PPA1: variants seen among roughly 807,000 people sequenced by gnomAD.
PPA1 encodes the protein inorganic pyrophosphatase.
PPA1 carries 23 observed loss-of-function variants against 41.8 expected under a neutral mutation model. The observed-to-expected ratio is 0.55, with a 90% CI of 0.40 to 0.78. PPA1 has a LOEUF of 0.78. Ranked by LOEUF, PPA1 falls within the 30% of genes least tolerant of loss-of-function variation. The pLI is 0.00. For missense variants in PPA1, 320 were observed against 361.6 expected, an observed-to-expected ratio of 0.89 and a Z score of 0.93; for synonymous variants, 101 against 116.8, an observed-to-expected ratio of 0.86 and a Z score of 0.87.
chr10:70,218,647 AC>A (rs1471776824), intron 3 of PPA1, 116 bp downstream of exon 3: 35 of 774,550 alleles, frequency 4.5e-5, no homozygotes, highest in Non-Finnish European at 7.0e-5. Flanking sequence ...TAGAAAATAG[AC>A]TGGGACCAGA....
intron 4 of PPA1, 111 bp from the exon 5 acceptor site, chr10:70,214,697 T>A (rs548482763): frequency 1.2e-6 from 1 of 814,680 alleles, no homozygotes; most frequent in South Asian, 2.0e-5. Context: ...TCTCATTGTT[T>A]TAGTTCTTTA....
In PPA1 at chr10:70,229,502, T is replaced by C. The variant is rs115357373; in HGVS notation, c.123+839A>G. ...ACAATTTGTGGTAAGCCTACCAATC[T>C]GTATTAAAGTTAGGTTTCTTCTCAC... On this transcript the variant is annotated intron_variant, in intron 2 of 10. Transcript: ENST00000373232. Among the ~76,000 whole-genome samples the C allele has an allele frequency of 2.4e-3, 360 of 152,354 alleles. 3 individuals carry two copies. Among genetic ancestry groups the C allele is most frequent in the Middle Eastern group, 0.01 (3 of 294 alleles).
rs768513055 is a variant in PPA1, at chr10:70,223,693, CAG to C, written c.124-4878_124-4877del. On this transcript the variant is annotated intron_variant, in intron 2 of 10. Transcript: ENST00000373232. ...AGAAATTCAATGAATTTTATAGCAA[CAG>C]AGTTGCTATAAAAACTATTACTGTT... Among the ~76,000 whole-genome samples, 50 of 152,314 alleles carry C rather than the reference CAG, an allele frequency of 3.3e-4. No homozygotes were observed. The Middle Eastern group carries it at 0.01, about 31-fold the overall frequency.
chr10:70,204,694 G>T, intron 10 of PPA1, 179 bp downstream of exon 10: 1 of 526,812 alleles, frequency 1.9e-6, no homozygotes, highest in Non-Finnish European at 3.4e-6. Context: ...TTAAGTATGT[G>T]AGGTAATGAT....
At chr10:70,224,345 T>C (rs543368538) in intron 2 of PPA1, among the ~76,000 whole-genome samples, 2 of 152,148 alleles carry the variant, frequency 1.3e-5, no homozygotes, top group African/African-American at 4.8e-5. Context: ...GATGTCCAGA[T>C]TCTAAGGAAA....
intron 4 of PPA1, among the ~76,000 whole-genome samples, chr10:70,216,251 G>T (rs951963062): frequency 6.6e-6 from 1 of 152,134 alleles, no homozygotes; most frequent in African/African-American, 2.4e-5. Flanking sequence ...ACTTTGCAAG[G>T]CCGAGGCAGG....
intron 9 of PPA1, 24 bp downstream of exon 9, chr10:70,206,240 T>C: frequency 6.3e-7 from 1 of 1,583,828 alleles, no homozygotes; most frequent in Middle Eastern, 1.7e-4. Context: ...GGCTTGTTTT[T>C]TTTTTAAGGA....
chr10:70,210,902 A>T (rs1840010611), intron 6 of PPA1, among the ~76,000 whole-genome samples: 1 of 151,772 alleles, frequency 6.6e-6, no homozygotes, highest in African/African-American at 2.4e-5. Context: ...AGTAACTGGG[A>T]CTACAGGTGC....
At chr10:70,217,776 A>G in intron 4 of PPA1, 36 bp downstream of exon 4, 1 of 1,477,952 alleles carries the variant, frequency 6.8e-7, no homozygotes, top group Non-Finnish European at 9.1e-7. Context: ...TTAGTAAGCT[A>G]AAAAGTACAT....
intron 8 of PPA1, among the ~76,000 whole-genome samples, chr10:70,206,800 C>T (rs1433316302): frequency 1.4e-5 from 2 of 142,492 alleles, no homozygotes; most frequent in African/African-American, 2.6e-5. Context: ...GCTGAGATCG[C>T]GCCACTGCAC....
rs564848351 is a variant in PPA1 at position 70,214,438 on chromosome 10, T to A, written c.384+62A>T. 42 of 1,342,634 alleles carry A rather than the reference T, an allele frequency of 3.1e-5. 1 individual carries two copies. In the South Asian group the frequency reaches 4.8e-4, roughly 15 times the overall value. 83.2% of individuals were successfully genotyped at this position (1,342,634 alleles called of 1,614,324 possible). On this transcript the variant is annotated intron_variant, in intron 5 of 10. Transcript: ENST00000373232. ...TTTATTCACAGTATTTTTTAAAGTATGAAATTTGGTATACTTCATTAATAT... is the reference window on the plus strand; with the variant it reads ...TTTATTCACAGTATTTTTTAAAGTAAGAAATTTGGTATACTTCATTAATAT...
chr10:70,214,712 C>T (rs7911572), intron 4 of PPA1, 126 bp from the exon 5 acceptor site: 496,569 of 651,626 alleles, frequency 0.76, 191,111 homozygotes, highest in Non-Finnish European at 0.79. Context: ...TCTTTATTCG[C>T]ATTTAAGAAT....
chr10:70,215,229 C>T (rs1840066009), intron 4 of PPA1, among the ~76,000 whole-genome samples: 1 of 151,914 alleles, frequency 6.6e-6, no homozygotes. Context: ...AAAAAGAAAA[C>T]AAAACAAACA....
intron 2 of PPA1, among the ~76,000 whole-genome samples, chr10:70,220,655 A>AT: frequency 2.0e-4 from 1 of 4,996 alleles, no homozygotes; most frequent in Non-Finnish European, 2.8e-4. Context: ...ATTTATATAT[A>AT]TATTATATAT....
intron 2 of PPA1, among the ~76,000 whole-genome samples, chr10:70,219,809 G>A (rs939859674): frequency 2.0e-5 from 3 of 152,074 alleles, no homozygotes; most frequent in Admixed American, 6.6e-5. Context: ...TTTGCACACT[G>A]GAGTTAAATA....
Position 70,214,544 on chromosome 10 carries a change from A to G in PPA1, c.340T>C (p.Cys114Arg). ...PGHNDKHTGC[C>R]GDNDPIDVCE... ...ACATCAATTGGGTCATTGTCACCAC[A>G]ACAGCCAGTATGTTTATCATTGTGC... Residue 114 changes from cysteine (C) to arginine (R), a missense_variant, in exon 5 of 11, where the codon TGT (cysteine) becomes CGT (arginine). Coordinates refer to ENST00000373232, the MANE Select transcript of PPA1 (RefSeq NM_021129.4). 6.2e-7 allele frequency: 1 copy of G among 1,613,858 alleles called. No homozygotes were observed. The highest frequency in any genetic ancestry group is 1.3e-5 in the African/African-American group (1 of 75,056).
chr10:70,211,266 T>A (rs1840016644), intron 6 of PPA1, among the ~76,000 whole-genome samples: 2 of 152,128 alleles, frequency 1.3e-5, no homozygotes, highest in African/African-American at 4.8e-5. Flanking sequence ...AATGTTGATG[T>A]TTTCCAATAA....
intron 1 of PPA1, among the ~76,000 whole-genome samples, chr10:70,232,243 A>C (rs2136775038): frequency 6.6e-6 from 1 of 152,172 alleles, no homozygotes; most frequent in Admixed American, 6.5e-5. Context: ...CCCTTCCTTC[A>C]TACACCAACT....
At chr10:70,229,596 C>A (rs879744587) in intron 2 of PPA1, among the ~76,000 whole-genome samples, 78 of 152,352 alleles carry the variant, frequency 5.1e-4, no homozygotes, top group African/African-American at 1.8e-3. Context: ...TCTATCTTAA[C>A]TGTGCAAATC....
Sources: gnomAD v4.1 joint callset for allele counts (sites outside exome capture counted in the v4.1 genomes callset) on GRCh38, gnomAD v4.1.1 for gene constraint, MANE v1.5 for transcripts, NCBI Gene and HGNC (gene_info 2026-07-23, HGNC 2026-07-21) for gene names.